JAZF1: variants seen among roughly 807,000 people sequenced by gnomAD.
JAZF1 encodes the protein juxtaposed with another zinc finger protein 1.
JAZF1 carries 8 observed loss-of-function variants against 26.4 expected under a neutral mutation model. That is an observed-to-expected ratio of 0.30 (90% CI 0.18 to 0.55). The LOEUF is 0.55. Ranked by LOEUF, JAZF1 falls within the 20% of genes least tolerant of loss-of-function variation. The pLI, the probability that JAZF1 is intolerant of heterozygous loss-of-function variation, is 0.94. For synonymous variants in JAZF1, 126 were observed against 122.3 expected, an observed-to-expected ratio of 1.03 and a Z score of -0.20; for missense variants, 199 against 322.0, an observed-to-expected ratio of 0.62 and a Z score of 2.92.
At chr7:28,058,239 A>C (rs1171961533) in intron 1 of JAZF1, among the ~76,000 whole-genome samples, 1 of 152,180 alleles carries the variant, frequency 6.6e-6, no homozygotes. Flanking sequence ...ATATACACCA[A>C]AGTGAACCTA....
In JAZF1 at chr7:28,065,181, G is replaced by A. The variant is rs543834712; in HGVS notation, c.116-73200C>T. Among the ~76,000 whole-genome samples the A allele has an allele frequency of 7.9e-5, 12 of 152,298 alleles. No homozygotes were observed. In the South Asian group the frequency reaches 1.5e-3, roughly 18 times the overall value. On this transcript the variant is annotated intron_variant, in intron 1 of 4. Coordinates refer to ENST00000283928, the MANE Select transcript of JAZF1 (RefSeq NM_175061.4). ...AGCGCTGATAAGGAATCTTTTGGGAGTAAGATTTGGGGGTGGTAGGTTTTA... is the reference window on the plus strand; with the variant it reads ...AGCGCTGATAAGGAATCTTTTGGGAATAAGATTTGGGGGTGGTAGGTTTTA...
chr7:28,051,131 CA>C (rs775277755), intron 1 of JAZF1, among the ~76,000 whole-genome samples: 73,859 of 96,416 alleles, frequency 0.77, 26,181 homozygotes, highest in Middle Eastern at 0.81. Flanking sequence ...GACTCCATCT[CA>C]AAAAAAAAAA....
chr7:28,019,402 C>T (rs938811439), intron 1 of JAZF1, among the ~76,000 whole-genome samples: 6 of 152,110 alleles, frequency 3.9e-5, no homozygotes, highest in African/African-American at 1.4e-4. Context: ...CATATTCCAC[C>T]TTAGAATCTC....
chr7:27,914,792 T>C (rs1281152683), intron 2 of JAZF1: 1 of 471,148 alleles, frequency 2.1e-6, no homozygotes. Context: ...CTTGACTCCA[T>C]CTGATGCCCA....
intron 1 of JAZF1, among the ~76,000 whole-genome samples, chr7:28,077,697 A>G (rs1784073828): frequency 6.6e-6 from 1 of 152,198 alleles, no homozygotes. Flanking sequence ...TTGGGAGCTT[A>G]GAAAAATCTT....
At position 27,955,141 on chromosome 7, in the gene JAZF1, A is replaced by G. The variant is rs78302535; in HGVS notation, c.188+36768T>C. Among the ~76,000 whole-genome samples the G allele has an allele frequency of 4.3e-4, 65 of 152,262 alleles. 1 individual carries two copies. In the East Asian group the frequency reaches 7.9e-3, roughly 19 times the overall value. On this transcript the variant is annotated intron_variant, in intron 2 of 4. Transcript: ENST00000283928. The stretch of plus-strand genomic sequence containing the variant: ...AAATTCTTGTGGTTTGGTCTACATA[A>G]ATTTCTTAAAAAGTATATTAGTCTT...
At chr7:27,908,784 C>A (rs537556206) in intron 2 of JAZF1, among the ~76,000 whole-genome samples, 14 of 152,220 alleles carry the variant, frequency 9.2e-5, no homozygotes, top group Non-Finnish European at 1.8e-4. Flanking sequence ...CCTATCAGGC[C>A]AACCTCATCT....
intron 1 of JAZF1, among the ~76,000 whole-genome samples, chr7:28,141,814 G>A (rs1782963212): frequency 6.6e-6 from 1 of 152,108 alleles, no homozygotes; most frequent in Non-Finnish European, 1.5e-5. Flanking sequence ...ATCTTCATCA[G>A]TATACCTACA....
intron 1 of JAZF1, among the ~76,000 whole-genome samples, chr7:28,157,619 T>C (rs1256028861): frequency 6.6e-6 from 1 of 152,144 alleles, no homozygotes; most frequent in Non-Finnish European, 1.5e-5. Flanking sequence ...GATGGGAAGA[T>C]GACACAAGAC....
At chr7:27,845,285 C>T (rs1206822884) in intron 3 of JAZF1, among the ~76,000 whole-genome samples, 3 of 152,168 alleles carry the variant, frequency 2.0e-5, no homozygotes, top group South Asian at 2.1e-4. Context: ...ATGTCCTCAA[C>T]GCCACCCTCT....
At chr7:27,881,181 G>A (rs568276614) in intron 3 of JAZF1, among the ~76,000 whole-genome samples, 2 of 152,212 alleles carry the variant, frequency 1.3e-5, no homozygotes, top group African/African-American at 2.4e-5. Flanking sequence ...TTCATCTCCC[G>A]GGGAGGGGGC....
chr7:28,008,760 A>C (rs1401790001), intron 1 of JAZF1, among the ~76,000 whole-genome samples: 1 of 152,200 alleles, frequency 6.6e-6, no homozygotes, highest in Non-Finnish European at 1.5e-5. Flanking sequence ...TGCATCAGAA[A>C]AGTTCTTCAA....
intron 1 of JAZF1, among the ~76,000 whole-genome samples, chr7:28,018,242 G>A (rs1407631547): frequency 6.6e-6 from 1 of 152,212 alleles, no homozygotes; most frequent in African/African-American, 2.4e-5. Flanking sequence ...CCAGGGCACA[G>A]GCCTGGAGGC....
intron 3 of JAZF1, among the ~76,000 whole-genome samples, chr7:27,876,333 T>C (rs544294046): frequency 1.3e-5 from 2 of 152,326 alleles, no homozygotes; most frequent in Middle Eastern, 3.4e-3. Context: ...TTCTGAAAAG[T>C]CAACTCTACT....
chr7:28,035,838 C>T (rs35342874), intron 1 of JAZF1, among the ~76,000 whole-genome samples: 25,726 of 152,078 alleles, frequency 0.17, 2,451 homozygotes, highest in South Asian at 0.24. Context: ...TCTAAAGCAA[C>T]AGCAACCTGA....
intron 1 of JAZF1, among the ~76,000 whole-genome samples, chr7:28,082,397 T>G (rs1784151318): frequency 6.6e-6 from 1 of 152,194 alleles, no homozygotes; most frequent in African/African-American, 2.4e-5. Context: ...TTCACTCTAC[T>G]CCTGTGCAGG....
At chr7:28,155,673 A>G (rs191153481) in intron 1 of JAZF1, among the ~76,000 whole-genome samples, 150 of 152,276 alleles carry the variant, frequency 9.9e-4, no homozygotes, top group Middle Eastern at 3.4e-3. Context: ...AGCAACTACA[A>G]CCTCCACCTA....
intron 1 of JAZF1, among the ~76,000 whole-genome samples, chr7:28,179,926 C>T (rs1337448587): frequency 1.4e-5 from 2 of 141,850 alleles, no homozygotes; most frequent in Non-Finnish European, 3.1e-5. Flanking sequence ...CCCCCCCGCT[C>T]CACCTCCCCG....
chr7:27,978,788 C>A (rs1239121904), intron 2 of JAZF1, among the ~76,000 whole-genome samples: 2 of 151,948 alleles, frequency 1.3e-5, no homozygotes, highest in African/African-American at 2.4e-5. Context: ...TAAAGAAAAC[C>A]ATTTTATTTA....
Sources: gnomAD v4.1 joint callset for allele counts (sites outside exome capture counted in the v4.1 genomes callset) on GRCh38, gnomAD v4.1.1 for gene constraint, MANE v1.5 for transcripts, NCBI Gene and HGNC (gene_info 2026-07-23, HGNC 2026-07-21) for gene names.